DCT: variants seen among roughly 807,000 people sequenced by gnomAD.
DCT encodes the protein dopachrome tautomerase.
DCT carries 47 observed loss-of-function variants against 53.0 expected under a neutral mutation model. That is an observed-to-expected ratio of 0.89 (90% CI 0.70 to 1.13). The LOEUF (loss-of-function observed/expected upper bound fraction) is 1.13, where lower values mean the gene tolerates loss of function less well. Ranked by LOEUF, DCT falls within the 50% of genes most tolerant of loss-of-function variation. The pLI, the probability that DCT is intolerant of heterozygous loss-of-function variation, is 0.00. For missense variants in DCT, 669 were observed against 637.4 expected, an observed-to-expected ratio of 1.05 and a Z score of -0.53; for synonymous variants, 244 against 237.0, an observed-to-expected ratio of 1.03 and a Z score of -0.27.
rs752202302 is a variant in DCT at position 94,458,663 on chromosome 13, G to A, written c.1179+1428C>T. 5.9e-4 allele frequency among the ~76,000 whole-genome samples: 89 copies of A among 151,984 alleles called. 1 individual carries two copies. The highest frequency in any genetic ancestry group is 8.3e-4 in the South Asian group (4 of 4,808). ...GTAAAAATATAAAAATTAACCGGGC[G>A]TGGTGGCGTGCAACTGTAGTCCCAG... On this transcript the variant is annotated intron_variant, in intron 6 of 7. Transcript: ENST00000377028.
At chr13:94,545,601 C>A in the DCT span, among the ~76,000 whole-genome samples, 28 of 152,172 alleles carry the variant, frequency 1.8e-4, no homozygotes, top group Non-Finnish European at 3.2e-4. Context: ...CCAATCAGGG[C>A]ACACCTGAAG....
chr13:94,468,779 G>A lies in DCT; in HGVS notation c.562C>T (p.Leu188Phe). The change falls in exon 2 of 8, where the codon CTC becomes TTC. Residue 188 changes from leucine (L) to phenylalanine (F), a missense_variant. Transcript: ENST00000377028. ...NCSVYDFFVW[L>F]HYYSVRDTLL... ...GTATCTCTAACAGAATAATAATGGAGCCACACAAAAAAATCATAAACACTG... is the reference window on the plus strand; with the variant it reads ...GTATCTCTAACAGAATAATAATGGAACCACACAAAAAAATCATAAACACTG... The A allele has an allele frequency of 6.2e-7, 1 of 1,614,084 alleles. No homozygotes were observed. Among genetic ancestry groups the A allele is most frequent in the Non-Finnish European group, 8.5e-7 (1 of 1,180,004 alleles).
chr13:94,508,935 G>A, the DCT span, among the ~76,000 whole-genome samples: 1 of 152,164 alleles, frequency 6.6e-6, no homozygotes, highest in African/African-American at 2.4e-5. Flanking sequence ...GTCTCTTCTA[G>A]TCAGGATGCT....
intron 6 of DCT, among the ~76,000 whole-genome samples, chr13:94,446,168 T>C (rs1882716781): frequency 6.6e-6 from 1 of 152,142 alleles, no homozygotes; most frequent in Admixed American, 6.6e-5. Context: ...CAGAGGTCTG[T>C]AAACCTCAAC....
chr13:94,482,653 TA>T (rs1885497148), upstream of DCT, among the ~76,000 whole-genome samples: 1 of 152,244 alleles, frequency 6.6e-6, no homozygotes, highest in Non-Finnish European at 1.5e-5. Context: ...AAATAGAGAC[TA>T]CTTGATAAAT....
the DCT span, among the ~76,000 whole-genome samples, chr13:94,489,761 TACACAC>T: frequency 9.3e-5 from 14 of 150,386 alleles, no homozygotes; most frequent in Admixed American, 2.0e-4. Flanking sequence ...GAATGATTAA[TACACAC>T]ACACACACAC....
chr13:94,483,597 G>A (rs1349228593), upstream of DCT, among the ~76,000 whole-genome samples: 1 of 152,080 alleles, frequency 6.6e-6, no homozygotes, highest in Non-Finnish European at 1.5e-5. Flanking sequence ...CCACCTCCCA[G>A]TTTAAGCAAT....
chr13:94,459,934 T>A (rs1883668002), intron 6 of DCT, among the ~76,000 whole-genome samples, 157 bp downstream of exon 6: 1 of 152,246 alleles, frequency 6.6e-6, no homozygotes, highest in Non-Finnish European at 1.5e-5. Context: ...AAATGCTACC[T>A]AACCATCCCT....
chr13:94,448,809 C>G (rs144337786), intron 6 of DCT, among the ~76,000 whole-genome samples: 2,487 of 152,004 alleles, frequency 0.016, 64 homozygotes, highest in African/African-American at 0.057. Context: ...GAGGCTGAGG[C>G]AGGAGAGTCA....
At chr13:94,491,401 G>A in the DCT span, among the ~76,000 whole-genome samples, 3 of 152,194 alleles carry the variant, frequency 2.0e-5, no homozygotes, top group Middle Eastern at 3.4e-3. Context: ...CAATATATTA[G>A]ATTAGGGGCC....
chr13:94,522,634 A>G, the DCT span, among the ~76,000 whole-genome samples: 8 of 152,322 alleles, frequency 5.3e-5, no homozygotes, highest in African/African-American at 1.9e-4. Context: ...AAAAAGTGAG[A>G]CGTAGTCCCA....
At chr13:94,482,949 A>G (rs1013903973), upstream of DCT, among the ~76,000 whole-genome samples, 1 of 152,300 alleles carries the variant, frequency 6.6e-6, no homozygotes, top group Middle Eastern at 3.4e-3. Flanking sequence ...TTTCAGGAAC[A>G]GTTCTAAGGG....
the DCT span, among the ~76,000 whole-genome samples, chr13:94,547,984 A>AATATATATAT: frequency 1.0e-3 from 67 of 65,820 alleles, 2 homozygotes; most frequent in Middle Eastern, 0.011. Flanking sequence ...AAAAAAAAAA[A>AATATATATAT]ATATATATAT....
the DCT span, among the ~76,000 whole-genome samples, chr13:94,500,690 A>G: frequency 6.6e-6 from 1 of 152,250 alleles, no homozygotes. Flanking sequence ...CTTGCTTTTA[A>G]GGATGAATAA....
At chr13:94,513,667 G>T in the DCT span, among the ~76,000 whole-genome samples, 1 of 152,030 alleles carries the variant, frequency 6.6e-6, no homozygotes, top group African/African-American at 2.4e-5. Flanking sequence ...TTCCCAGAGA[G>T]TTAGGCTGGG....
At chr13:94,485,468 C>T in the DCT span, among the ~76,000 whole-genome samples, 3 of 152,138 alleles carry the variant, frequency 2.0e-5, no homozygotes, top group African/African-American at 7.2e-5. Flanking sequence ...CTCACCTGGT[C>T]TTAAAAGAAA....
chr13:94,502,961 G>A, the DCT span, among the ~76,000 whole-genome samples: 227 of 152,310 alleles, frequency 1.5e-3, 1 homozygote, highest in African/African-American at 5.2e-3. Context: ...TAGTAAAGAG[G>A]TGGGTTATAA....
intron 4 of DCT, among the ~76,000 whole-genome samples, chr13:94,463,265 T>A (rs926248232): frequency 2.0e-5 from 3 of 151,318 alleles, no homozygotes; most frequent in Non-Finnish European, 4.4e-5. Context: ...GTCTCCCCAG[T>A]AGCTGGGACT....
intron 6 of DCT, among the ~76,000 whole-genome samples, chr13:94,443,985 A>C (rs985778602): frequency 5.9e-5 from 9 of 152,238 alleles, no homozygotes; most frequent in African/African-American, 2.2e-4. Context: ...TGAGGCCTTC[A>C]ACATATATGT....
Sources: gnomAD v4.1 joint callset for allele counts (sites outside exome capture counted in the v4.1 genomes callset) on GRCh38, gnomAD v4.1.1 for gene constraint, MANE v1.5 for transcripts, NCBI Gene and HGNC (gene_info 2026-07-23, HGNC 2026-07-21) for gene names.